CACNB4: variants seen among roughly 807,000 people sequenced by gnomAD.
CACNB4 encodes voltage-dependent L-type calcium channel subunit beta-4.
A neutral mutation model predicts 71.2 loss-of-function variants in CACNB4; 32 were observed. The observed-to-expected ratio is 0.45, with a 90% confidence interval of 0.34 to 0.60. CACNB4 has a LOEUF of 0.60. CACNB4 is among the 20% of genes least tolerant of loss of function. The probability of loss-of-function intolerance (pLI) is 0.01; values close to 1 mark genes in which losing one functional copy is unlikely to be tolerated. For missense variants in CACNB4, 464 were observed against 647.9 expected, an observed-to-expected ratio of 0.72 and a Z score of 3.08; for synonymous variants, 231 against 236.9, an observed-to-expected ratio of 0.97 and a Z score of 0.23.
chr2:151,877,353 G>A (rs1408218405), intron 4 of CACNB4, among the ~76,000 whole-genome samples: 1 of 152,150 alleles, frequency 6.6e-6, no homozygotes, highest in East Asian at 1.9e-4. Flanking sequence ...AAAGAGAGTG[G>A]GTCAGACTGG....
chr2:152,097,105 C>T (rs1243524863), intron 2 of CACNB4, among the ~76,000 whole-genome samples: 4 of 152,140 alleles, frequency 2.6e-5, no homozygotes, highest in Non-Finnish European at 4.4e-5. Context: ...CATTTATTTC[C>T]ATAATGTACA....
intron 2 of CACNB4, among the ~76,000 whole-genome samples, chr2:151,979,209 G>A (rs1344907341): frequency 2.6e-5 from 4 of 152,078 alleles, no homozygotes; most frequent in African/African-American, 4.8e-5. Flanking sequence ...AGAAACAAGC[G>A]GAGACAGGGA....
chr2:151,962,615 T>A (rs1373796260), intron 2 of CACNB4, among the ~76,000 whole-genome samples: 2 of 152,244 alleles, frequency 1.3e-5, no homozygotes, highest in Admixed American at 6.5e-5. Flanking sequence ...GCAACTGTCA[T>A]CAAGACCTGC....
intron 2 of CACNB4, among the ~76,000 whole-genome samples, chr2:152,049,903 A>G (rs905022881): frequency 1.3e-5 from 2 of 152,258 alleles, no homozygotes; most frequent in African/African-American, 4.8e-5. Context: ...ATTAACCTAC[A>G]GTGAGGAACT....
chr2:151,952,636 G>A (rs139503569), intron 2 of CACNB4, among the ~76,000 whole-genome samples: 7 of 152,296 alleles, frequency 4.6e-5, no homozygotes, highest in African/African-American at 7.2e-5. Flanking sequence ...AATGGGACCC[G>A]AGAAGCAGCT....
At chr2:151,848,160 A>C (rs1578443823) in intron 12 of CACNB4, among the ~76,000 whole-genome samples, 1 of 152,196 alleles carries the variant, frequency 6.6e-6, no homozygotes, top group East Asian at 1.9e-4. Flanking sequence ...TGTTAAAGTC[A>C]GATTAATTGG....
At chr2:152,005,489 A>G (rs1319726234) in intron 2 of CACNB4, among the ~76,000 whole-genome samples, 1 of 152,178 alleles carries the variant, frequency 6.6e-6, no homozygotes, top group African/African-American at 2.4e-5. Context: ...ACAGACATAA[A>G]GATGGGAACA....
intron 2 of CACNB4, among the ~76,000 whole-genome samples, chr2:151,993,159 T>C (rs1039660791): frequency 6.6e-6 from 1 of 151,962 alleles, no homozygotes; most frequent in Non-Finnish European, 1.5e-5. Context: ...TTGTTTTTTT[T>C]TTTTTTAAAC....
At chr2:151,931,079 A>G (rs1357225295) in intron 2 of CACNB4, among the ~76,000 whole-genome samples, 5 of 152,174 alleles carry the variant, frequency 3.3e-5, no homozygotes, top group Non-Finnish European at 5.9e-5. Flanking sequence ...AGTAAGGCAT[A>G]CTCCCTCTTC....
intron 2 of CACNB4, among the ~76,000 whole-genome samples, chr2:152,012,289 G>T (rs1220254137): frequency 6.6e-6 from 1 of 152,070 alleles, no homozygotes; most frequent in Non-Finnish European, 1.5e-5. Flanking sequence ...GGAGACCTAG[G>T]CTAATGTGCA....
chr2:152,084,778 G>GT lies in CACNB4; in HGVS notation c.147+13551dup, dbSNP rs1329515600. Among the ~76,000 whole-genome samples, 909 of 144,516 alleles carry GT rather than the reference G, an allele frequency of 6.3e-3. 3 individuals are homozygous for GT. The highest frequency in any genetic ancestry group is 0.019 in the African/African-American group (755 of 39,516). The allele number at this position is 144,516 out of a possible 152,430, so 94.8% of individuals were successfully genotyped here. A position where few individuals can be genotyped will look rare whatever the true frequency, so the allele number is the denominator to read the frequency against. On this transcript the variant is annotated intron_variant, in intron 2 of 13. Transcript: ENST00000539935. ...GTGCATGCCACCATGCCTGGCTAAT[G>GT]TTTTTTTTTTTTAATTTGTTTTGTT...
At chr2:151,856,371 T>G (rs1282926205) in intron 10 of CACNB4, among the ~76,000 whole-genome samples, 1 of 151,710 alleles carries the variant, frequency 6.6e-6, no homozygotes, top group Non-Finnish European at 1.5e-5. Context: ...TGGCATGATC[T>G]TGGCTCACTG....
At chr2:151,856,143 G>A (rs1450606767) in intron 10 of CACNB4, among the ~76,000 whole-genome samples, 1 of 146,342 alleles carries the variant, frequency 6.8e-6, no homozygotes, top group Non-Finnish European at 1.5e-5. Context: ...AATGTCTGAA[G>A]CAATCCAGTT....
chr2:151,851,047 A>G (rs775090197), intron 12 of CACNB4: 1 of 152,176 alleles, frequency 6.6e-6, no homozygotes, highest in Non-Finnish European at 1.5e-5. Context: ...TACTCTGCCA[A>G]TGTAATTTGC....
rs1045463540 is a variant in CACNB4, at chr2:151,853,376, A to C, written c.1116+72T>G. The C allele has an allele frequency of 5.4e-5, 44 of 807,936 alleles. No individual in the cohort carries two copies. The East Asian group carries it at 1.2e-3, about 22-fold the overall frequency. 50.0% of individuals were successfully genotyped at this position (807,936 alleles called of 1,614,324 possible). On this transcript the variant is annotated intron_variant, in intron 12 of 13. Coordinates refer to ENST00000539935, the MANE Select transcript of CACNB4 (RefSeq NM_000726.5). Reference sequence around the variant, plus strand: ...CCATCATTTTAGAATGAAAACAACAATATGAAGAAAAAAAAACCCACCCTC... The same window carrying C: ...CCATCATTTTAGAATGAAAACAACACTATGAAGAAAAAAAAACCCACCCTC...
At chr2:151,912,123 T>A (rs906912926) in intron 2 of CACNB4, among the ~76,000 whole-genome samples, 7 of 152,334 alleles carry the variant, frequency 4.6e-5, no homozygotes, top group African/African-American at 1.4e-4. Context: ...AAACAGCTCC[T>A]GGATTCGGTG....
chr2:151,968,379 A>G (rs550044343), intron 2 of CACNB4: 1 of 152,310 alleles, frequency 6.6e-6, no homozygotes, highest in African/African-American at 2.4e-5. Flanking sequence ...CCTTGGTACA[A>G]TTTTTAACTT....
chr2:152,092,732 T>C (rs1579284808), intron 2 of CACNB4, among the ~76,000 whole-genome samples: 1 of 152,198 alleles, frequency 6.6e-6, no homozygotes. Context: ...TAGTATAATA[T>C]ATAGTAGTCC....
chr2:151,937,426 G>A (rs1477207594), intron 2 of CACNB4, among the ~76,000 whole-genome samples: 1 of 152,134 alleles, frequency 6.6e-6, no homozygotes, highest in Non-Finnish European at 1.5e-5. Context: ...ATTACTTCCT[G>A]GCTACCTGGA....
Sources: gnomAD v4.1 joint callset for allele counts (sites outside exome capture counted in the v4.1 genomes callset) on GRCh38, gnomAD v4.1.1 for gene constraint, MANE v1.5 for transcripts, NCBI Gene and HGNC (gene_info 2026-07-23, HGNC 2026-07-21) for gene names.